SPOCD1: variants seen among roughly 807,000 people sequenced by gnomAD.
SPOCD1 encodes the protein SPOC domain containing 1, also known as SPOC domain-containing protein 1.
Under a neutral mutation model 92.2 loss-of-function variants are expected in SPOCD1, and 64 were observed. The ratio of observed to expected loss-of-function variants is 0.69; its 90% CI spans 0.57 to 0.86. SPOCD1 has a LOEUF of 0.86. Ranked by LOEUF, SPOCD1 falls within the 40% of genes least tolerant of loss-of-function variation. The pLI, the probability that SPOCD1 is intolerant of heterozygous loss-of-function variation, is 0.00. For synonymous variants in SPOCD1, 578 were observed against 619.3 expected, an observed-to-expected ratio of 0.93 and a Z score of 0.99; for missense variants, 1,360 against 1,543.1, an observed-to-expected ratio of 0.88 and a Z score of 1.99.
rs377158436 is a variant in SPOCD1, at chr1:31,815,144, C to G, written c.190G>C (p.Ala64Pro). The change falls in exon 2 of 16, where the codon GCC (alanine) becomes CCC (proline). Residue 64 changes from alanine to proline, a missense_variant. Ala to Pro is a conservative substitution (Grantham distance 27). Coordinates refer to ENST00000360482, the MANE Select transcript of SPOCD1 (RefSeq NM_144569.7). ...GSRRKIPRKE[A>P]LRGGSSRAAG... ...GCCCGGGAGCTGCCACCTCGAAGGGCCTCCTTCCTGGGGATCTTCCTTCTG... is the reference window on the plus strand; with the variant it reads ...GCCCGGGAGCTGCCACCTCGAAGGGGCTCCTTCCTGGGGATCTTCCTTCTG... 26 of 1,608,372 alleles carry G rather than the reference C, an allele frequency of 1.6e-5. No homozygotes were observed. The highest frequency in any genetic ancestry group is 5.3e-5 in the African/African-American group (4 of 74,804).
In SPOCD1 at chr1:31,793,744, C is replaced by T. The variant is rs900440702; in HGVS notation, c.2534+3G>A. 3.1e-6 allele frequency: 5 copies of T among 1,614,008 alleles called. No homozygotes were observed. The highest frequency in any genetic ancestry group is 2.2e-5 in the East Asian group (1 of 44,900). On this transcript the variant is annotated splice_donor_region_variant and intron_variant, in intron 12 of 15. Transcript: ENST00000360482. ...ATCCACCTCCCTGCTCCCAACCCCA[C>T]ACCTGTCCTGTGGTTCCGTGGGAGA...
chr1:31,800,231 T>A, intron 4 of SPOCD1, 90 bp from the exon 5 acceptor site: 6 of 1,511,554 alleles, frequency 4.0e-6, no homozygotes, highest in Non-Finnish European at 4.4e-6. Context: ...AGCCCCTCCC[T>A]CCTCCAGTCC....
At chr1:31,795,423 G>A (rs1185550831) in intron 10 of SPOCD1, 1 of 152,238 alleles carries the variant, frequency 6.6e-6, no homozygotes, top group Admixed American at 6.5e-5. Context: ...ATTGTGAGAT[G>A]TGAATGAGAC....
chr1:31,800,548 G>C lies in SPOCD1; in HGVS notation c.1495C>G (p.Pro499Ala), dbSNP rs757809685. 8 of 1,611,600 alleles carry C rather than the reference G, an allele frequency of 5.0e-6. No individual in the cohort carries two copies. Among genetic ancestry groups the C allele is most frequent in the African/African-American group, 1.3e-5 (1 of 74,898 alleles). Residue 499 changes from proline (P) to alanine (A), a missense_variant, in exon 4 of 16, where the codon CCA becomes GCA. Coordinates refer to ENST00000360482, the MANE Select transcript of SPOCD1 (RefSeq NM_144569.7). ...SHGQAGGQLP[P>A]KLEVLEDLME... ...AAGTCCTCTAGAACCTCCAGCTTTG[G>C]TGGCAGCTGCCCCCCTGCCTGGCCG... is the stretch of plus-strand genomic sequence containing the variant.
intron 3 of SPOCD1, 118 bp from the exon 4 acceptor site, chr1:31,800,735 G>T: frequency 2.2e-6 from 2 of 899,990 alleles, no homozygotes; most frequent in Non-Finnish European, 3.3e-6. Flanking sequence ...TAAGCTCCGT[G>T]AGGATAGAGA....
intron 2 of SPOCD1, among the ~76,000 whole-genome samples, chr1:31,813,505 C>T (rs1001463743): frequency 3.9e-5 from 6 of 152,202 alleles, no homozygotes; most frequent in Middle Eastern, 3.2e-3. Context: ...CCTCGTGATC[C>T]GCCTGCCTCT....
intron 2 of SPOCD1, among the ~76,000 whole-genome samples, chr1:31,808,658 A>G (rs772734464): frequency 3.2e-4 from 48 of 152,056 alleles, no homozygotes; most frequent in Non-Finnish European, 6.0e-4. Flanking sequence ...TGCTATCACC[A>G]TTTCTATGCA....
chr1:31,790,425 C>T lies in SPOCD1; in HGVS notation c.*178G>A. ...CCTGACCAGCTAGCAGATGCAATCC[C>T]AATTTTACCAAATTCTTTATTGAAC... is the stretch of plus-strand genomic sequence containing the variant. On this transcript the variant is annotated 3_prime_UTR_variant, in exon 16 of 16. Transcript: ENST00000360482. The T allele has an allele frequency of 1.5e-6, 1 of 660,030 alleles. No individual in the cohort carries two copies. Among genetic ancestry groups the T allele is most frequent in the Non-Finnish European group, 2.6e-6 (1 of 387,940 alleles). 40.9% of individuals were successfully genotyped at this position (660,030 alleles called of 1,614,324 possible). A position where few individuals can be genotyped will look rare whatever the true frequency, so the allele number is the denominator to read the frequency against.
Position 31,814,762 on chromosome 1 carries a change from C to A in SPOCD1, c.572G>T (p.Gly191Val). ...GTCTGGTGAGGATGTCAGGGGCCTT[C>A]CAGGGGGCTCCTCTTTGCTGAGTGT... ...SPTLSKEEPP[G>V]RPLTSSPDPV... Residue 191 changes from glycine (G) to valine (V), a missense_variant, in exon 2 of 16, where the codon GGA (glycine) becomes GTA (valine). By Grantham distance (109) the Gly-to-Val change is moderately radical. Coordinates refer to ENST00000360482, the MANE Select transcript of SPOCD1 (RefSeq NM_144569.7). The surrounding 1 kb of genome is among the most constrained non-coding windows in gnomAD (Gnocchi z 4.2). 1 of 1,613,682 alleles carries A rather than the reference C, an allele frequency of 6.2e-7. No individual in the cohort carries two copies. Among genetic ancestry groups the A allele is most frequent in the South Asian group, 1.1e-5 (1 of 91,042 alleles).
At chr1:31,808,880 G>A (rs977653317) in intron 2 of SPOCD1, among the ~76,000 whole-genome samples, 4 of 152,008 alleles carry the variant, frequency 2.6e-5, no homozygotes, top group Non-Finnish European at 5.9e-5. Flanking sequence ...GGGAGAAAGT[G>A]TAGAAATGCA....
chr1:31,807,165 T>G (rs1648876320), intron 2 of SPOCD1, among the ~76,000 whole-genome samples: 1 of 148,968 alleles, frequency 6.7e-6, no homozygotes, highest in East Asian at 2.1e-4. Flanking sequence ...GGCGGGTTGA[T>G]CACCTCAGGT....
At chr1:31,792,606 G>A in intron 14 of SPOCD1, 72 bp downstream of exon 14, 1 of 1,318,858 alleles carries the variant, frequency 7.6e-7, no homozygotes, top group Non-Finnish European at 1.0e-6. Flanking sequence ...CCAGGCCTCT[G>A]CTCTAGAAGT....
At position 31,790,826 on chromosome 1, in the gene SPOCD1, G is replaced by A. The variant is rs1421562807; in HGVS notation, c.3428C>T (p.Ser1143Phe). The change falls in exon 16 of 16, where the codon TCC (serine) becomes TTC (phenylalanine). Residue 1143 changes from serine (S) to phenylalanine (F), a missense_variant. By Grantham distance (155) the Ser-to-Phe change is radical (BLOSUM62 -2). This residue lies in a region of SPOCD1 where 614 missense variants were observed against 757.8 expected (regional missense o/e 0.81). Transcript: ENST00000360482. The part of the protein sequence containing the change: ...FGRGQHFHRD[S>F]CPHQALLRHL... ...CCGGAGCAGGGCTTGGTGGGGACAGGAGTCCCTGTGGAAGTGCTGGCCACG... is the reference window on the plus strand; with the variant it reads ...CCGGAGCAGGGCTTGGTGGGGACAGAAGTCCCTGTGGAAGTGCTGGCCACG... 4.5e-6 allele frequency: 7 copies of A among 1,539,380 alleles called. No homozygotes were observed. In the South Asian group the frequency reaches 7.4e-5, roughly 16 times the overall value.
At position 31,800,042 on chromosome 1, in the gene SPOCD1, G is replaced by A. The variant is rs961636108; in HGVS notation, c.1702C>T (p.Pro568Ser). 1.7e-5 allele frequency: 27 copies of A among 1,611,380 alleles called. No individual in the cohort carries two copies. Among genetic ancestry groups the A allele is most frequent in the Non-Finnish European group, 2.2e-5 (26 of 1,178,950 alleles). ...TGGGAACATGCAGGGTCCGAGCTGGGGTCGCCAAGGGCCAGGGAACCGCTT... is the reference window on the plus strand; with the variant it reads ...TGGGAACATGCAGGGTCCGAGCTGGAGTCGCCAAGGGCCAGGGAACCGCTT... ...PRSGSLALGDPSSDPACSQSG... is the reference protein window; with the variant it reads ...PRSGSLALGDSSSDPACSQSG... The change falls in exon 5 of 16, where the codon CCC becomes TCC. Residue 568 changes from proline (P) to serine (S), a missense_variant. Pro to Ser is a moderately conservative substitution (Grantham distance 74). Coordinates refer to ENST00000360482, the MANE Select transcript of SPOCD1 (RefSeq NM_144569.7).
chr1:31,811,595 G>T (rs776513171), intron 2 of SPOCD1, among the ~76,000 whole-genome samples: 2 of 152,178 alleles, frequency 1.3e-5, no homozygotes, highest in Non-Finnish European at 2.9e-5. Flanking sequence ...GCTTGACCTT[G>T]AACCTGTCTG....
At chr1:31,795,253 C>T (rs2149099084) in intron 10 of SPOCD1, 1 of 152,288 alleles carries the variant, frequency 6.6e-6, no homozygotes, top group South Asian at 2.1e-4. Context: ...GATTTTGAAA[C>T]TCTACTCTTA....
intron 9 of SPOCD1, among the ~76,000 whole-genome samples, chr1:31,797,917 A>T (rs756720787): frequency 4.6e-5 from 7 of 152,104 alleles, no homozygotes; most frequent in Non-Finnish European, 1.0e-4. Context: ...AGGTCTCACC[A>T]CAGTCCTCTC....
chr1:31,793,693 GGCC>G, intron 12 of SPOCD1, 51 bp downstream of exon 12: 1 of 1,611,606 alleles, frequency 6.2e-7, no homozygotes. Context: ...ACCAGGTGGT[GGCC>G]TCCCCCTCAA....
chr1:31,800,315 G>A (rs1437029673), intron 4 of SPOCD1, 126 bp downstream of exon 4: 9 of 1,425,372 alleles, frequency 6.3e-6, no homozygotes, highest in Non-Finnish European at 7.5e-6. Context: ...GCCGAACCCT[G>A]CCTCTGGCTA....
Sources: gnomAD v4.1 joint callset for allele counts (sites outside exome capture counted in the v4.1 genomes callset) on GRCh38, gnomAD v4.1.1 for gene constraint, gnomAD v4.1.1 regional missense constraint, Gnocchi (gnomAD v3.1) non-coding constraint, MANE v1.5 for transcripts, NCBI Gene and HGNC (gene_info 2026-07-23, HGNC 2026-07-21) for gene names.